RXRA: variants seen among roughly 807,000 people sequenced by gnomAD.
The protein encoded by RXRA is retinoic acid receptor RXR-alpha.
In RXRA, 5 loss-of-function variants were observed where a neutral mutation model predicts 44.5. That is an observed-to-expected ratio of 0.11 (90% CI 0.06 to 0.24). RXRA has a LOEUF of 0.24. RXRA is among the 10% of genes least tolerant of loss of function. The pLI is 1.00. For missense variants in RXRA, 412 were observed against 646.5 expected, an observed-to-expected ratio of 0.64 and a Z score of 3.93; for synonymous variants, 291 against 271.4, an observed-to-expected ratio of 1.07 and a Z score of -0.71.
At chr9:134,347,824 G>C (rs1193316373) in intron 1 of RXRA, among the ~76,000 whole-genome samples, 1 of 152,212 alleles carries the variant, frequency 6.6e-6, no homozygotes, top group African/African-American at 2.4e-5. Context: ...GAGGGGGCTG[G>C]TGGGTGACAG....
At chr9:134,414,211 G>A (rs967703984) in intron 4 of RXRA, among the ~76,000 whole-genome samples, 4 of 152,246 alleles carry the variant, frequency 2.6e-5, no homozygotes, top group African/African-American at 4.8e-5. Context: ...ATTAATTCTC[G>A]GCTGCCCTGG....
intron 9 of RXRA, among the ~76,000 whole-genome samples, chr9:134,435,220 G>C (rs941314466): frequency 6.6e-6 from 1 of 152,238 alleles, no homozygotes; most frequent in African/African-American, 2.4e-5. Flanking sequence ...GCAGCCCCTG[G>C]AGGGGCCGTG....
intron 1 of RXRA, among the ~76,000 whole-genome samples, chr9:134,364,671 C>T (rs1482640943): frequency 6.6e-6 from 1 of 152,186 alleles, no homozygotes; most frequent in East Asian, 1.9e-4. Context: ...CTCTGTGGCT[C>T]CCAGCTCCCC....
chr9:134,361,140 C>T (rs910508187), intron 1 of RXRA, among the ~76,000 whole-genome samples: 1 of 152,234 alleles, frequency 6.6e-6, no homozygotes, highest in Non-Finnish European at 1.5e-5. Flanking sequence ...CCATCTGACT[C>T]ATCCAATTAA....
At chr9:134,369,454 G>A (rs188932535) in intron 1 of RXRA, among the ~76,000 whole-genome samples, 271 of 121,428 alleles carry the variant, frequency 2.2e-3, no homozygotes, top group Non-Finnish European at 3.8e-3. Context: ...TATGTGGGGG[G>A]GTTGTGAGTG....
intron 6 of RXRA, 41 bp downstream of exon 6, chr9:134,421,846 G>A: frequency 6.2e-7 from 1 of 1,608,218 alleles, no homozygotes; most frequent in Non-Finnish European, 8.5e-7. Context: ...ATGCCATGCA[G>A]ATGGGACACG....
chr9:134,380,251 G>A (rs1178377660), intron 1 of RXRA: 1 of 936,612 alleles, frequency 1.1e-6, no homozygotes, highest in African/African-American at 1.8e-5. Flanking sequence ...GATGGGAGTG[G>A]GGGTGGCCGG....
At chr9:134,404,113 C>T (rs1688788813) in intron 2 of RXRA, 1 of 152,240 alleles carries the variant, frequency 6.6e-6, no homozygotes, top group Admixed American at 6.5e-5. Flanking sequence ...GGGATGTGCC[C>T]CCACTCCTAG....
Position 134,374,947 on chromosome 9 carries a change from C to G in RXRA, c.29-26685C>G, listed in dbSNP as rs578159777. On this transcript the variant is annotated intron_variant, in intron 1 of 9. Coordinates refer to ENST00000481739, the MANE Select transcript of RXRA (RefSeq NM_002957.6). ...TATGTGCCAGGCACTGGCCAGGGCC[C>G]AGGGTGTCACAATGGAGTGGCCATG... is the stretch of plus-strand genomic sequence containing the variant. 5.8e-3 allele frequency among the ~76,000 whole-genome samples: 879 copies of G among 152,306 alleles called. 10 individuals are homozygous for G. The highest frequency in any genetic ancestry group is 0.02 in the African/African-American group (832 of 41,570).
rs1442353634 is a variant in RXRA at position 134,437,366 on chromosome 9, T to G, written c.*752T>G. 6 of 152,698 alleles carry G rather than the reference T, an allele frequency of 3.9e-5. No individual in the cohort carries two copies. Among genetic ancestry groups the G allele is most frequent in the Admixed American group, 2.0e-4 (3 of 15,284 alleles). The allele number at this position is 152,698 out of a possible 1,614,324, so 9.5% of individuals were successfully genotyped here. On this transcript the variant is annotated 3_prime_UTR_variant, in exon 10 of 10. Transcript: ENST00000481739. Reference sequence around the variant, plus strand: ...CCCCTGTTTTCTCTCTGCCTTGGTGTTCTGGTTTCAGACTCCCGACTCCCC... The same window carrying G: ...CCCCTGTTTTCTCTCTGCCTTGGTGGTCTGGTTTCAGACTCCCGACTCCCC...
intron 1 of RXRA, among the ~76,000 whole-genome samples, chr9:134,338,945 T>A (rs557119976): frequency 2.0e-5 from 3 of 152,324 alleles, no homozygotes; most frequent in Non-Finnish European, 2.9e-5. Context: ...GCCGCCTTTC[T>A]GAGAACAAGG....
chr9:134,385,367 G>A (rs946103402), intron 1 of RXRA, among the ~76,000 whole-genome samples: 6 of 152,192 alleles, frequency 3.9e-5, no homozygotes, highest in African/African-American at 1.4e-4. Flanking sequence ...CCCTTCCCCC[G>A]CGTGCTTCCT....
At chr9:134,378,313 T>G (rs1830588836) in intron 1 of RXRA, among the ~76,000 whole-genome samples, 1 of 151,880 alleles carries the variant, frequency 6.6e-6, no homozygotes, top group African/African-American at 2.4e-5. Context: ...GTGCTGGTGT[T>G]GCTGCCTTGC....
intron 1 of RXRA, among the ~76,000 whole-genome samples, chr9:134,328,065 G>C (rs1004381424): frequency 1.3e-5 from 2 of 152,198 alleles, no homozygotes; most frequent in Non-Finnish European, 2.9e-5. Context: ...CTGAGTGTGA[G>C]GCAGGAGGGA....
chr9:134,405,678 C>G (rs912907608), intron 2 of RXRA: 1 of 152,348 alleles, frequency 6.6e-6, no homozygotes, highest in Admixed American at 6.5e-5. Context: ...GAGTTCCTTT[C>G]CTTTGTGCTT....
In RXRA at chr9:134,331,116, C is replaced by T. The variant is rs189348496; in HGVS notation, c.28+4457C>T. Among the ~76,000 whole-genome samples the T allele has an allele frequency of 2.4e-4, 37 of 152,252 alleles. No individual in the cohort carries two copies. In the East Asian group the frequency reaches 6.6e-3, roughly 27 times the overall value. ...TGGATATAGGCCTGCCACAGGAGAGCGCTCGCTGCTGCTGGGTCCTTGGGA... is the reference window on the plus strand; with the variant it reads ...TGGATATAGGCCTGCCACAGGAGAGTGCTCGCTGCTGCTGGGTCCTTGGGA... On this transcript the variant is annotated intron_variant, in intron 1 of 9. Transcript: ENST00000481739.
At chr9:134,413,671 C>T (rs184400950) in intron 4 of RXRA, among the ~76,000 whole-genome samples, 3 of 152,324 alleles carry the variant, frequency 2.0e-5, no homozygotes, top group East Asian at 1.9e-4. Flanking sequence ...GGATGCCCCT[C>T]GGCTCCGACA....
chr9:134,421,867 C>CT, intron 6 of RXRA, 62 bp downstream of exon 6: 10 of 1,588,878 alleles, frequency 6.3e-6, no homozygotes, highest in Non-Finnish European at 8.5e-6. Flanking sequence ...TACCAGGACA[C>CT]TCCCCCCTCC....
In RXRA at chr9:134,423,876, C is replaced by T. The variant is rs35009353; in HGVS notation, c.910+2071C>T. 2.2e-3 allele frequency: 2,187 copies of T among 984,824 alleles called. 8 individuals carry two copies. The East Asian group carries it at 0.025, about 11-fold the overall frequency. The allele number at this position is 984,824 out of a possible 1,614,324, so 61.0% of individuals were successfully genotyped here. A position where few individuals can be genotyped will look rare whatever the true frequency, so the allele number is the denominator to read the frequency against. ...TTGCTGAGAGAGGGCGGTGCTCCCA[C>T]CCCACCCCAACCCACCAGACCGATC... On this transcript the variant is annotated intron_variant, in intron 6 of 9. Transcript: ENST00000481739.
Sources: allele counts gnomAD v4.1 joint callset (sites outside exome capture counted in the v4.1 genomes callset), GRCh38; gene constraint gnomAD v4.1.1; transcripts MANE v1.5; gene names NCBI Gene and HGNC (gene_info 2026-07-23, HGNC 2026-07-21).